The following DGKI variants were observed in gnomAD, a reference collection of about 807,000 sequenced individuals.
DGKI encodes diacylglycerol kinase iota, also known as DAG kinase iota.
A neutral mutation model predicts 147.5 loss-of-function variants in DGKI; 55 were observed. That is an observed-to-expected ratio of 0.37 (90% CI 0.30 to 0.47). DGKI has a LOEUF of 0.47. Among genes scored for constraint, DGKI ranks in the 20% least tolerant of loss-of-function variants. The pLI, the probability that DGKI is intolerant of heterozygous loss-of-function variation, is 1.00. For synonymous variants in DGKI, 469 were observed against 477.1 expected, an observed-to-expected ratio of 0.98 and a Z score of 0.22; for missense variants, 1,007 against 1,323.8, an observed-to-expected ratio of 0.76 and a Z score of 3.71.
intron 1 of DGKI, among the ~76,000 whole-genome samples, chr7:137,759,679 ATAGAAG>A (rs1795797280): frequency 6.6e-6 from 1 of 152,196 alleles, no homozygotes; most frequent in African/African-American, 2.4e-5. Flanking sequence ...TCAAGCAGCT[ATAGAAG>A]TGGGTGGCAA....
chr7:137,470,708 A>G (rs544542885), intron 23 of DGKI, among the ~76,000 whole-genome samples: 1 of 152,056 alleles, frequency 6.6e-6, no homozygotes, highest in African/African-American at 2.4e-5. Context: ...GCTGAAACTG[A>G]AGCTGATATA....
intron 28 of DGKI, among the ~76,000 whole-genome samples, chr7:137,413,936 C>A (rs1812260550): frequency 6.6e-6 from 1 of 152,200 alleles, no homozygotes; most frequent in South Asian, 2.1e-4. Flanking sequence ...CACAGCCTCA[C>A]CAACATCTGT....
chr7:137,565,231 A>T (rs1818544591), intron 19 of DGKI, among the ~76,000 whole-genome samples: 2 of 152,170 alleles, frequency 1.3e-5, no homozygotes, highest in South Asian at 4.1e-4. Flanking sequence ...GGCTATATTT[A>T]TACAATAAAA....
chr7:137,445,564 T>C (rs1813683335), intron 27 of DGKI, among the ~76,000 whole-genome samples: 1 of 152,176 alleles, frequency 6.6e-6, no homozygotes, highest in African/African-American at 2.4e-5. Context: ...TGTAACCCCC[T>C]TGAAAACTAA....
At chr7:137,778,292 G>C (rs1399447723) in intron 1 of DGKI, among the ~76,000 whole-genome samples, 1 of 152,130 alleles carries the variant, frequency 6.6e-6, no homozygotes, top group African/African-American at 2.4e-5. Context: ...TTAAGGGAAG[G>C]GTGTGTCTAG....
intron 21 of DGKI, among the ~76,000 whole-genome samples, chr7:137,514,111 G>A (rs13437885): frequency 0.031 from 4,782 of 152,004 alleles, 211 homozygotes; most frequent in East Asian, 0.11. Flanking sequence ...CCTTGCTCAT[G>A]AACAAAATGC....
At chr7:137,640,024 G>A (rs533343750) in intron 6 of DGKI, among the ~76,000 whole-genome samples, 1 of 150,672 alleles carries the variant, frequency 6.6e-6, no homozygotes, top group South Asian at 2.1e-4. Context: ...TTTTTTGGTG[G>A]TGGTAAGAAG....
intron 20 of DGKI, among the ~76,000 whole-genome samples, chr7:137,539,157 G>A (rs141577227): frequency 5.3e-5 from 8 of 152,282 alleles, no homozygotes; most frequent in Admixed American, 3.3e-4. Flanking sequence ...GGGAAGAGGG[G>A]CTTCCTCTCT....
intron 1 of DGKI, among the ~76,000 whole-genome samples, chr7:137,750,892 A>G (rs1367580618): frequency 6.6e-6 from 1 of 152,176 alleles, no homozygotes; most frequent in Non-Finnish European, 1.5e-5. Context: ...TAAAAATTAC[A>G]CTGGAATTTA....
chr7:137,455,821 A>AT (rs1237073853), intron 27 of DGKI, among the ~76,000 whole-genome samples: 1 of 152,118 alleles, frequency 6.6e-6, no homozygotes, highest in African/African-American at 2.4e-5. Flanking sequence ...TCCAGTGATA[A>AT]TATGACATCC....
intron 17 of DGKI, among the ~76,000 whole-genome samples, chr7:137,573,270 TATA>T (rs1818853152): frequency 1.3e-5 from 2 of 152,324 alleles, no homozygotes; most frequent in South Asian, 2.1e-4. Context: ...AAGTCACAAA[TATA>T]ATGATTTATT....
At chr7:137,710,882 C>A (rs1585396688) in intron 1 of DGKI, among the ~76,000 whole-genome samples, 1 of 151,962 alleles carries the variant, frequency 6.6e-6, no homozygotes, top group East Asian at 1.9e-4. Flanking sequence ...CTAATAGATA[C>A]TAATAAGAAA....
intron 8 of DGKI, among the ~76,000 whole-genome samples, chr7:137,613,344 G>C (rs1314580891): frequency 6.6e-6 from 1 of 152,082 alleles, no homozygotes; most frequent in Non-Finnish European, 1.5e-5. Context: ...AGGGAACAAA[G>C]GCTGCTCTGA....
intron 1 of DGKI, among the ~76,000 whole-genome samples, chr7:137,705,564 T>C (rs1793991545): frequency 6.6e-6 from 1 of 151,900 alleles, no homozygotes; most frequent in Non-Finnish European, 1.5e-5. Context: ...GGTTGCTGAG[T>C]GGAGGGGAGA....
In DGKI at chr7:137,506,538, T is replaced by G. The variant is rs192194813; in HGVS notation, c.2248+15328A>C. 3.5e-3 allele frequency among the ~76,000 whole-genome samples: 537 copies of G among 152,292 alleles called. 4 individuals carry two copies. The highest frequency in any genetic ancestry group is 0.012 in the African/African-American group (518 of 41,562). Reference sequence around the variant, plus strand: ...AATAATGACTGCATGTCATTACACATTTGTGAAAGCCCATAGAATTATATG... The same window carrying G: ...AATAATGACTGCATGTCATTACACAGTTGTGAAAGCCCATAGAATTATATG... On this transcript the variant is annotated intron_variant, in intron 21 of 32. Coordinates refer to ENST00000614521, the MANE Select transcript of DGKI (RefSeq NM_001321708.2).
chr7:137,663,299 C>T (rs528900832), intron 3 of DGKI, among the ~76,000 whole-genome samples: 3 of 152,240 alleles, frequency 2.0e-5, no homozygotes, highest in South Asian at 2.1e-4. Context: ...CCACACATGG[C>T]GACATGCTCA....
Position 137,585,344 on chromosome 7 carries a change from G to T in DGKI, c.1428C>A (p.Gly476=), listed in dbSNP as rs772863376. 6.2e-7 allele frequency: 1 copy of T among 1,613,872 alleles called. No homozygotes were observed. The highest frequency in any genetic ancestry group is 8.5e-7 in the Non-Finnish European group (1 of 1,179,916). ...DLARTLNWGG[G]YTDEPVSKIL... ...TCTTAGAAACAGGTTCATCAGTGTA[G>T]CCCTGAGGAATCAGAGAACATATCC... The change falls in exon 14 of 33, where the codon GGC becomes GGA. Residue 476 remains glycine (G), a splice_region_variant and synonymous_variant. Coordinates refer to ENST00000614521, the MANE Select transcript of DGKI (RefSeq NM_001321708.2).
At chr7:137,571,501 C>T (rs936304390) in intron 18 of DGKI, among the ~76,000 whole-genome samples, 7 of 152,208 alleles carry the variant, frequency 4.6e-5, no homozygotes, top group African/African-American at 1.7e-4. Context: ...CAAAAGTATC[C>T]TGTGGTATCC....
intron 28 of DGKI, among the ~76,000 whole-genome samples, chr7:137,433,889 G>A (rs1327876494): frequency 3.3e-5 from 5 of 151,844 alleles, no homozygotes; most frequent in Admixed American, 2.6e-4. Context: ...AGGCTGAGGC[G>A]GGTGGATCAC....
Sources: gnomAD v4.1 joint callset for allele counts (sites outside exome capture counted in the v4.1 genomes callset) on GRCh38, gnomAD v4.1.1 for gene constraint, MANE v1.5 for transcripts, NCBI Gene and HGNC (gene_info 2026-07-23, HGNC 2026-07-21) for gene names.